ANO2: variants seen among roughly 807,000 people sequenced by gnomAD.
ANO2 encodes the protein anoctamin 2, also known as anoctamin-2.
ANO2 carries 101 observed loss-of-function variants against 124.2 expected under a neutral mutation model. The observed-to-expected ratio is 0.81, with a 90% CI of 0.69 to 0.96. ANO2 has a LOEUF of 0.96. Among genes scored for constraint, ANO2 ranks in the 40% least tolerant of loss-of-function variants. The pLI is 0.00. For synonymous variants in ANO2, 486 were observed against 482.5 expected (o/e 1.01, Z -0.09); for missense variants, 1,293 against 1,274.5 (o/e 1.01, Z -0.22).
At chr12:5,919,352 CG>C (rs1941562650) in intron 3 of ANO2, among the ~76,000 whole-genome samples, 1 of 141,862 alleles carries the variant, frequency 7.0e-6, no homozygotes. Flanking sequence ...GAGAGGGCAA[CG>C]GCACAAAGAC....
At chr12:5,739,835 C>T (rs975580886) in intron 12 of ANO2, 5 of 455,966 alleles carry the variant, frequency 1.1e-5, no homozygotes, top group African/African-American at 6.0e-5. Context: ...TTTCTGTCCC[C>T]AGCGCCACTT....
Position 5,739,402 on chromosome 12 carries a change from TA to T in ANO2, c.1352-4del. The T allele has an allele frequency of 1.3e-6, 2 of 1,594,138 alleles. No homozygotes were observed. Among genetic ancestry groups the T allele is most frequent in the Non-Finnish European group, 1.7e-6 (2 of 1,169,804 alleles). On this transcript the variant is annotated splice_region_variant and splice_polypyrimidine_tract_variant and intron_variant, in intron 12 of 24. Coordinates refer to ENST00000682330, the MANE Select transcript of ANO2 (RefSeq NM_001364791.2). Reference sequence around the variant, plus strand: ...CCAGTTTTCCAGGAACATGGTAGCTTAAAAAGAACAACAAGAACAAAAACCT... The same window carrying T: ...CCAGTTTTCCAGGAACATGGTAGCTTAAAAGAACAACAAGAACAAAAACCT...
At chr12:5,863,499 G>A (rs73257212) in intron 3 of ANO2, among the ~76,000 whole-genome samples, 2,759 of 152,214 alleles carry the variant, frequency 0.018, 74 homozygotes, top group African/African-American at 0.059. Context: ...AAGCTCTCTC[G>A]GATTGACAGG....
intron 20 of ANO2, among the ~76,000 whole-genome samples, chr12:5,583,313 T>C (rs577994158): frequency 1.3e-5 from 2 of 152,188 alleles, no homozygotes; most frequent in Non-Finnish European, 2.9e-5. Context: ...GTAAAAACAG[T>C]TGGTTAGGAG....
intron 10 of ANO2, among the ~76,000 whole-genome samples, chr12:5,775,288 G>C (rs777258763): frequency 1.2e-4 from 18 of 152,094 alleles, no homozygotes; most frequent in Non-Finnish European, 2.2e-4. Flanking sequence ...CACAGAGAGA[G>C]AGAGAGAGAG....
At chr12:5,637,965 A>G (rs542948975) in intron 15 of ANO2, among the ~76,000 whole-genome samples, 9 of 152,308 alleles carry the variant, frequency 5.9e-5, no homozygotes, top group East Asian at 5.8e-4. Flanking sequence ...AATTTGCTGA[A>G]GTCCACAAGG....
rs142503660 is a variant in ANO2 at position 5,592,486 on chromosome 12, C to T, written c.2233+6998G>A. On this transcript the variant is annotated intron_variant, in intron 20 of 24. Transcript: ENST00000682330. ...AGTGTGAGATAACCAGATACACACA[C>T]GCGGGCCTGCAAGAAGATGCAAAAC... Among the ~76,000 whole-genome samples the T allele has an allele frequency of 3.3e-5, 5 of 152,236 alleles. No homozygotes were observed. The East Asian group carries it at 7.7e-4, about 24-fold the overall frequency.
chr12:5,658,037 A>G lies in ANO2; in HGVS notation c.1546-10236T>C, dbSNP rs1367560721. Among the ~76,000 whole-genome samples, 3 of 152,102 alleles carry G rather than the reference A, an allele frequency of 2.0e-5. No individual in the cohort carries two copies. Among genetic ancestry groups the G allele is most frequent in the Non-Finnish European group, 4.4e-5 (3 of 68,026 alleles). On this transcript the variant is annotated intron_variant, in intron 14 of 24. Transcript: ENST00000682330. This position sits in a 1 kb window ranked among gnomAD's most constrained non-coding sequence, Gnocchi z 4.3. Reference sequence around the variant, plus strand: ...ACCATAAAGTTACATTTGAGAAAAAATATTATTTGCTCATTTGTCTTTCTC... The same window carrying G: ...ACCATAAAGTTACATTTGAGAAAAAGTATTATTTGCTCATTTGTCTTTCTC...
chr12:5,577,552 G>A (rs1262211870), intron 22 of ANO2, among the ~76,000 whole-genome samples: 1 of 152,200 alleles, frequency 6.6e-6, no homozygotes, highest in Non-Finnish European at 1.5e-5. Context: ...TGACAACCTG[G>A]AGGAACGGTA....
intron 3 of ANO2, among the ~76,000 whole-genome samples, chr12:5,871,372 A>T (rs151306305): frequency 2.0e-5 from 3 of 152,180 alleles, no homozygotes; most frequent in African/African-American, 7.2e-5. Flanking sequence ...CACCTCACAC[A>T]GTGTCCAAGT....
At chr12:5,811,020 C>T (rs1308107256) in intron 7 of ANO2, among the ~76,000 whole-genome samples, 1 of 152,208 alleles carries the variant, frequency 6.6e-6, no homozygotes, top group Non-Finnish European at 1.5e-5. Flanking sequence ...AAAGGAACAA[C>T]CAAAGCACAG....
chr12:5,600,657 C>G (rs966473618), intron 19 of ANO2, among the ~76,000 whole-genome samples: 1 of 152,174 alleles, frequency 6.6e-6, no homozygotes, highest in African/African-American at 2.4e-5. Flanking sequence ...CATTGATGCA[C>G]AATGTACAGG....
At chr12:5,946,082 T>C, upstream of ANO2, 1 of 1,567,800 alleles carries the variant, frequency 6.4e-7, no homozygotes, top group Non-Finnish European at 8.8e-7. This position sits in a 1 kb window ranked among gnomAD's most constrained non-coding sequence, Gnocchi z 4.1. Context: ...ACAAGTTCAT[T>C]AATACCATGG....
intron 24 of ANO2, 21 bp from the exon 25 acceptor site, chr12:5,563,589 AG>A: frequency 6.2e-7 from 1 of 1,612,312 alleles, no homozygotes; most frequent in Non-Finnish European, 8.5e-7. Context: ...CCAAGGAGAG[AG>A]GGGCTGAGTT....
intron 7 of ANO2, among the ~76,000 whole-genome samples, chr12:5,817,063 C>G (rs542152938): frequency 1.3e-5 from 2 of 152,214 alleles, no homozygotes; most frequent in East Asian, 3.9e-4. Context: ...CCAAAAAACC[C>G]TCAGATTCTC....
intron 17 of ANO2, among the ~76,000 whole-genome samples, chr12:5,614,512 G>T (rs1487209894): frequency 6.6e-6 from 1 of 152,192 alleles, no homozygotes; most frequent in Non-Finnish European, 1.5e-5. Context: ...AGTGTGCCAG[G>T]AGGGTGACAC....
chr12:5,726,851 A>G (rs759866636), intron 14 of ANO2, among the ~76,000 whole-genome samples: 5 of 152,200 alleles, frequency 3.3e-5, no homozygotes, highest in Non-Finnish European at 7.3e-5. Flanking sequence ...GCACATCAGC[A>G]AAGACTGACT....
intron 7 of ANO2, among the ~76,000 whole-genome samples, chr12:5,812,740 G>A (rs1380009540): frequency 1.5e-5 from 2 of 134,548 alleles, no homozygotes; most frequent in Non-Finnish European, 1.6e-5. Flanking sequence ...GAGGCAAGAG[G>A]GAAGGGAGGA....
rs549301367 is a variant in ANO2 at position 5,912,169 on chromosome 12, T to C, written c.534+8871A>G. 2.6e-5 allele frequency among the ~76,000 whole-genome samples: 4 copies of C among 152,308 alleles called. 1 individual carries two copies. Among genetic ancestry groups the C allele is most frequent in the African/African-American group, 9.6e-5 (4 of 41,564 alleles). On this transcript the variant is annotated intron_variant, in intron 3 of 24. Coordinates refer to ENST00000682330, the MANE Select transcript of ANO2 (RefSeq NM_001364791.2). ...TGGTAAAGAGCCACACCCAGCTCCC[T>C]TCCTCCTCCGTGTAAACCCTCAGCC...
Sources: gnomAD v4.1 joint callset for allele counts (sites outside exome capture counted in the v4.1 genomes callset) on GRCh38, gnomAD v4.1.1 for gene constraint, Gnocchi (gnomAD v3.1) non-coding constraint, MANE v1.5 for transcripts, NCBI Gene and HGNC (gene_info 2026-07-23, HGNC 2026-07-21) for gene names.